Variants in GLIS3 observed in about 807,000 individuals in gnomAD.
GLIS3 encodes zinc finger protein GLIS3.
Under a neutral mutation model 78.6 loss-of-function variants are expected in GLIS3, and 53 were observed. The ratio of observed to expected loss-of-function variants is 0.67; its 90% CI spans 0.54 to 0.85. GLIS3 has a LOEUF of 0.85. Among genes scored for constraint, GLIS3 ranks in the 40% least tolerant of loss-of-function variants. The pLI is 0.00. For synonymous variants in GLIS3, 684 were observed against 509.9 expected, an observed-to-expected ratio of 1.34 and a Z score of -4.60; for missense variants, 1,703 against 1,231.1, an observed-to-expected ratio of 1.38 and a Z score of -5.74.
chr9:4,087,226 C>G (rs918172565), intron 4 of GLIS3, among the ~76,000 whole-genome samples: 3 of 152,140 alleles, frequency 2.0e-5, no homozygotes, highest in Non-Finnish European at 2.9e-5. Context: ...AGAGGTAGAA[C>G]AGCTATAAAA....
At chr9:4,474,448 T>C in the GLIS3 span, among the ~76,000 whole-genome samples, 1 of 152,144 alleles carries the variant, frequency 6.6e-6, no homozygotes, top group African/African-American at 2.4e-5. Context: ...CATGTTGCAA[T>C]GCAGAGGAGA....
chr9:4,448,044 A>G, the GLIS3 span, among the ~76,000 whole-genome samples: 32,862 of 152,076 alleles, frequency 0.22, 3,680 homozygotes, highest in Middle Eastern at 0.3. Flanking sequence ...GAGCCACCAC[A>G]ACCTGCCTGT....
chr9:4,358,146 A>G, the GLIS3 span, among the ~76,000 whole-genome samples: 3 of 152,178 alleles, frequency 2.0e-5, no homozygotes, highest in African/African-American at 7.2e-5. Flanking sequence ...ATATGTATAT[A>G]TGTGTATGTG....
intron 4 of GLIS3, among the ~76,000 whole-genome samples, chr9:4,008,018 T>C (rs1006018649): frequency 6.6e-6 from 1 of 152,060 alleles, no homozygotes; most frequent in African/African-American, 2.4e-5. Context: ...CCACACTCCC[T>C]CTGCACCTAA....
Position 3,972,658 on chromosome 9 carries a change from G to A in GLIS3, c.1711-35469C>T, listed in dbSNP as rs188957507. 6.5e-3 allele frequency among the ~76,000 whole-genome samples: 995 copies of A among 152,236 alleles called. 13 individuals are homozygous for A. The highest frequency in any genetic ancestry group is 0.023 in the African/African-American group (954 of 41,558). On this transcript the variant is annotated intron_variant, in intron 4 of 10. Coordinates refer to ENST00000381971, the MANE Select transcript of GLIS3 (RefSeq NM_001042413.2). ...TTCTCCTTGTAAAATACTATGAAAT[G>A]TGGTGGGCACAAAAGCTTTAGGACT...
the GLIS3 span, among the ~76,000 whole-genome samples, chr9:4,362,726 C>T: frequency 5.3e-5 from 8 of 152,140 alleles, no homozygotes; most frequent in African/African-American, 1.9e-4. Context: ...CATGGAAAAG[C>T]ACAAAGGAAC....
rs555894654 is a variant in GLIS3, at chr9:4,274,762, G to A, written c.388+11276C>T. ...GTGCAGTGACTGCTCACACATCCAT[G>A]AAGCCAGCCCTGTGCACATGAATCA... On this transcript the variant is annotated intron_variant, in intron 2 of 10. Transcript: ENST00000381971. 2.6e-5 allele frequency among the ~76,000 whole-genome samples: 4 copies of A among 152,264 alleles called. No individual in the cohort carries two copies. In the East Asian group the frequency reaches 5.8e-4, roughly 22 times the overall value.
chr9:4,167,030 C>G (rs537360256), intron 2 of GLIS3, among the ~76,000 whole-genome samples: 5 of 152,176 alleles, frequency 3.3e-5, no homozygotes, highest in Non-Finnish European at 7.4e-5. Flanking sequence ...GAAAGACAGA[C>G]GAACAAAACA....
chr9:4,055,231 T>C (rs1826051767), intron 4 of GLIS3, among the ~76,000 whole-genome samples: 1 of 152,176 alleles, frequency 6.6e-6, no homozygotes, highest in Admixed American at 6.5e-5. Flanking sequence ...GAGCCTCTAT[T>C]TTCTCTTTCC....
intron 6 of GLIS3, among the ~76,000 whole-genome samples, chr9:3,924,072 G>T (rs930131519): frequency 6.6e-6 from 1 of 152,186 alleles, no homozygotes; most frequent in Non-Finnish European, 1.5e-5. Context: ...AATATAATTA[G>T]ATTTCACAGG....
intron 4 of GLIS3, among the ~76,000 whole-genome samples, chr9:4,090,902 T>G (rs1829442335): frequency 6.6e-6 from 1 of 152,212 alleles, no homozygotes; most frequent in South Asian, 2.1e-4. Context: ...TCGTTACAAC[T>G]GCAGGTTCTA....
intron 2 of GLIS3, among the ~76,000 whole-genome samples, chr9:4,194,342 G>C (rs1280296389): frequency 6.6e-6 from 1 of 152,198 alleles, no homozygotes; most frequent in Non-Finnish European, 1.5e-5. Context: ...TTACAGGCGT[G>C]AGCCACAGCA....
intron 2 of GLIS3, among the ~76,000 whole-genome samples, chr9:4,322,610 G>C (rs1403880121): frequency 6.6e-6 from 1 of 152,104 alleles, no homozygotes; most frequent in African/African-American, 2.4e-5. Context: ...ATTCTAACAG[G>C]TGTGAGATGG....
At chr9:4,298,380 G>A in intron 1 of GLIS3, 1 of 456,326 alleles carries the variant, frequency 2.2e-6, no homozygotes, top group Non-Finnish European at 4.4e-6. Context: ...CTCCCGCCAG[G>A]TACCTAATTG....
intron 4 of GLIS3, among the ~76,000 whole-genome samples, chr9:4,107,610 A>C (rs1389228850): frequency 2.0e-5 from 3 of 152,202 alleles, no homozygotes; most frequent in Admixed American, 2.0e-4. Flanking sequence ...AATAGTATTC[A>C]CTTCTTATCA....
chr9:4,290,046 G>T (rs1414390598), intron 1 of GLIS3, among the ~76,000 whole-genome samples: 1 of 152,010 alleles, frequency 6.6e-6, no homozygotes, highest in Non-Finnish European at 1.5e-5. Context: ...TTAAACAAAC[G>T]AAAAGCAATG....
At chr9:4,311,666 C>A (rs1456989939) in intron 2 of GLIS3, among the ~76,000 whole-genome samples, 1 of 152,120 alleles carries the variant, frequency 6.6e-6, no homozygotes, top group Non-Finnish European at 1.5e-5. Context: ...CCCTGACCCT[C>A]CTGCATCGGC....
chr9:4,178,874 T>C (rs573118745), intron 2 of GLIS3, among the ~76,000 whole-genome samples: 1 of 152,200 alleles, frequency 6.6e-6, no homozygotes, highest in Non-Finnish European at 1.5e-5. Flanking sequence ...CATTAGTTAT[T>C]TAAATATTAA....
chr9:4,253,550 C>T lies in GLIS3; in HGVS notation c.388+32488G>A, dbSNP rs574131492. Among the ~76,000 whole-genome samples, 15 of 152,292 alleles carry T rather than the reference C, an allele frequency of 9.8e-5. No individual in the cohort carries two copies. The East Asian group carries it at 1.2e-3, about 12-fold the overall frequency. ...GGATCTTGGCTTGCTGGGCTCTGTG[C>T]GGGTGGGATCCGCTGAGCTAGACCA... is the stretch of plus-strand genomic sequence containing the variant. On this transcript the variant is annotated intron_variant, in intron 2 of 10. Transcript: ENST00000381971.
Sources: gnomAD v4.1 joint callset for allele counts (sites outside exome capture counted in the v4.1 genomes callset) on GRCh38, gnomAD v4.1.1 for gene constraint, MANE v1.5 for transcripts, NCBI Gene and HGNC (gene_info 2026-07-23, HGNC 2026-07-21) for gene names.